The following TUT4 variants were observed in gnomAD, a reference collection of about 807,000 sequenced individuals.
TUT4 encodes the protein terminal uridylyltransferase 4.
TUT4 carries 36 observed loss-of-function variants against 192.2 expected under a neutral mutation model. That is an observed-to-expected ratio of 0.19 (90% CI 0.14 to 0.25). The LOEUF is 0.25. TUT4 is among the 10% of genes least tolerant of loss of function. TUT4 has a pLI of 1.00. For missense variants in TUT4, 1,493 were observed against 1,957.2 expected (o/e 0.76, Z 4.47); for synonymous variants, 618 against 666.0 (o/e 0.93, Z 1.11).
At chr1:52,481,347 T>TTA (rs1266208397) in intron 11 of TUT4, 76 bp downstream of exon 11, 27 of 1,492,218 alleles carry the variant, frequency 1.8e-5, no homozygotes, top group Non-Finnish European at 2.5e-5. Flanking sequence ...CAATCTACAA[T>TTA]TAAAATAGCT....
intron 20 of TUT4, among the ~76,000 whole-genome samples, chr1:52,452,673 T>A (rs1299093826): frequency 6.6e-6 from 1 of 152,244 alleles, no homozygotes; most frequent in East Asian, 1.9e-4. Flanking sequence ...TGATAGGGCA[T>A]GAAAACTCCT....
At chr1:52,488,782 G>T in intron 9 of TUT4, 127 bp downstream of exon 9, 1 of 1,073,990 alleles carries the variant, frequency 9.3e-7, no homozygotes, top group Non-Finnish European at 1.2e-6. Context: ...GTCTAGCACA[G>T]AAAACTACTT....
chr1:52,515,698 A>G (rs1678539826), intron 3 of TUT4, 193 bp downstream of exon 3: 1 of 672,624 alleles, frequency 1.5e-6, no homozygotes, highest in Admixed American at 2.9e-5. Context: ...CTCACAGATA[A>G]TAAGTAACTG....
intron 1 of TUT4, among the ~76,000 whole-genome samples, chr1:52,536,060 G>A (rs1027886082): frequency 6.6e-6 from 1 of 152,098 alleles, no homozygotes; most frequent in Non-Finnish European, 1.5e-5. Context: ...AAGAAATAAA[G>A]AACACTAGTA....
intron 2 of TUT4, among the ~76,000 whole-genome samples, chr1:52,520,964 T>C (rs185274630): frequency 6.6e-6 from 1 of 152,214 alleles, no homozygotes; most frequent in East Asian, 1.9e-4. Flanking sequence ...GGCTAGTTTT[T>C]TGTATTTTTA....
intron 13 of TUT4, among the ~76,000 whole-genome samples, chr1:52,472,749 G>A (rs1666103635): frequency 6.6e-6 from 1 of 151,914 alleles, no homozygotes; most frequent in Non-Finnish European, 1.5e-5. Flanking sequence ...GTATTTCAAT[G>A]GACACCAAAC....
chr1:52,528,735 T>C (rs1301875852), intron 1 of TUT4, among the ~76,000 whole-genome samples: 1 of 152,082 alleles, frequency 6.6e-6, no homozygotes, highest in Non-Finnish European at 1.5e-5. Context: ...CTTTACATCA[T>C]ATAAACAAAA....
Position 52,489,005 on chromosome 1 carries a change from G to A in TUT4, c.1419C>T (p.Asn473=), listed in dbSNP as rs200480335. 1.3e-5 allele frequency: 21 copies of A among 1,613,328 alleles called. No individual in the cohort carries two copies. Among genetic ancestry groups the A allele is most frequent in the Admixed American group, 1.0e-4 (6 of 59,922 alleles). ...AATCAGTAGTGAGACATGCCATATC[G>A]TTTCCTGCACTCACTCTACAAAGTA... ...SGLLCRVSAG[N]DMACLTTDLL... The change falls in exon 9 of 30, where the codon AAC becomes AAT. Residue 473 remains asparagine, a synonymous_variant. Transcript: ENST00000257177.
chr1:52,508,574 T>C (rs916494466), intron 4 of TUT4, among the ~76,000 whole-genome samples: 1 of 152,166 alleles, frequency 6.6e-6, no homozygotes, highest in Non-Finnish European at 1.5e-5. Flanking sequence ...GAACACTGCA[T>C]ATTGAAGTCT....
At chr1:52,518,920 T>C (rs1429742734) in intron 2 of TUT4, among the ~76,000 whole-genome samples, 1 of 152,206 alleles carries the variant, frequency 6.6e-6, no homozygotes, top group Non-Finnish European at 1.5e-5. Context: ...TGTCACTGAA[T>C]TGTATACTTT....
intron 1 of TUT4, among the ~76,000 whole-genome samples, chr1:52,538,215 G>A (rs543998796): frequency 4.6e-5 from 7 of 152,184 alleles, no homozygotes; most frequent in African/African-American, 7.2e-5. Context: ...CAACCTGAGC[G>A]AAAGAGCAAG....
chr1:52,482,501 A>G (rs957048154), intron 9 of TUT4, among the ~76,000 whole-genome samples: 1 of 152,146 alleles, frequency 6.6e-6, no homozygotes, highest in Admixed American at 6.5e-5. Context: ...GTGCAGTGGC[A>G]TGATCATGAC....
In TUT4 at chr1:52,462,175, C is replaced by CTTT. The variant is rs1210058850; in HGVS notation, c.3070-409_3070-407dup. ...AATTGAGACAAACCTGGATTCAAATCTTTTTTTTTTTTTTTTTTTTCTTTT... is the reference window on the plus strand; with the variant it reads ...AATTGAGACAAACCTGGATTCAAATCTTTTTTTTTTTTTTTTTTTTTTTCTTTT... On this transcript the variant is annotated intron_variant, in intron 16 of 29. Coordinates refer to ENST00000257177, the MANE Select transcript of TUT4 (RefSeq NM_001009881.3). The CTTT allele has an allele frequency of 2.6e-3, 316 of 121,080 alleles. 4 individuals carry two copies. The highest frequency in any genetic ancestry group is 5.5e-3 in the African/African-American group (173 of 31,584). The allele number at this position is 121,080 out of a possible 1,614,324, so 7.5% of individuals were successfully genotyped here.
intron 2 of TUT4, among the ~76,000 whole-genome samples, chr1:52,525,289 C>T (rs1338465182): frequency 6.6e-6 from 1 of 152,046 alleles, no homozygotes; most frequent in Non-Finnish European, 1.5e-5. Flanking sequence ...TGTGTACGAG[C>T]ATGTGTGTAC....
chr1:52,499,995 G>A (rs2149202509), intron 4 of TUT4, among the ~76,000 whole-genome samples: 1 of 151,670 alleles, frequency 6.6e-6, no homozygotes. Context: ...GTGCATGCCT[G>A]TCTGTAATCC....
chr1:52,448,694 C>A (rs1408613473), intron 20 of TUT4, among the ~76,000 whole-genome samples: 1 of 150,946 alleles, frequency 6.6e-6, no homozygotes, highest in Non-Finnish European at 1.5e-5. Context: ...TATTAAGGGG[C>A]TGACATGTAA....
In TUT4 at chr1:52,458,463, T is replaced by C; in HGVS notation, c.3322-14A>G. The C allele has an allele frequency of 1.3e-6, 2 of 1,594,004 alleles. No individual in the cohort carries two copies. Among genetic ancestry groups the C allele is most frequent in the South Asian group, 2.2e-5 (2 of 89,480 alleles). ...AATGTCACATCGCTAAAAAACAACA[T>C]GATTGAAAACAAAACTTCAGAGTCT... On this transcript the variant is annotated splice_polypyrimidine_tract_variant and intron_variant, in intron 19 of 29. Transcript: ENST00000257177.
At chr1:52,519,529 G>A (rs1679650454) in intron 2 of TUT4, among the ~76,000 whole-genome samples, 1 of 148,186 alleles carries the variant, frequency 6.7e-6, no homozygotes, top group African/African-American at 2.5e-5. Flanking sequence ...TTTTTTTTGA[G>A]ACGGAGTTTC....
intron 13 of TUT4, among the ~76,000 whole-genome samples, chr1:52,473,277 G>A (rs777942155): frequency 6.3e-4 from 96 of 152,078 alleles, no homozygotes; most frequent in Non-Finnish European, 1.2e-3. Context: ...GGGGAAAATG[G>A]GGAGGTGTTG....
Sources: gnomAD v4.1 joint callset for allele counts (sites outside exome capture counted in the v4.1 genomes callset) on GRCh38, gnomAD v4.1.1 for gene constraint, MANE v1.5 for transcripts, NCBI Gene and HGNC (gene_info 2026-07-23, HGNC 2026-07-21) for gene names.